CHRNA3: variants seen among roughly 807,000 people sequenced by gnomAD.
CHRNA3 encodes the protein cholinergic receptor nicotinic alpha 3 subunit, also known as neuronal acetylcholine receptor subunit alpha-3.
CHRNA3 carries 34 observed loss-of-function variants against 41.9 expected under a neutral mutation model. The observed-to-expected ratio is 0.81, with a 90% confidence interval of 0.62 to 1.08. CHRNA3 has a LOEUF of 1.08. CHRNA3 is among the 50% of genes least tolerant of loss of function. The pLI is 0.00. For synonymous variants in CHRNA3, 281 were observed against 265.2 expected (o/e 1.06, Z -0.58); for missense variants, 542 against 638.3 (o/e 0.85, Z 1.63).
chr15:78,620,376 G>GCAGGGCGACGGGCAGCGCGGGT, intron 1 of CHRNA3: 2 of 338,066 alleles, frequency 5.9e-6, no homozygotes, highest in Non-Finnish European at 1.1e-5. Flanking sequence ...AGTGCGCGGG[G>GCAGGGCGACGGGCAGCGCGGGT]CAGGGCGACG....
downstream of CHRNA3, chr15:78,594,135 G>GGCTTACTTT (rs1413992047): frequency 6.6e-6 from 1 of 152,146 alleles, no homozygotes; most frequent in Non-Finnish European, 1.5e-5. Context: ...ACTCCTTTAA[G>GGCTTACTTT]GCTTACTTTA....
In CHRNA3 at chr15:78,608,004, G is replaced by A. The variant is rs188402591; in HGVS notation, c.378-5740C>T. ...GCAGTCTGAGATCAAACTGCAAGGC[G>A]GCAGCGATGCTGGGGGAGGGGCGCC... On this transcript the variant is annotated intron_variant, in intron 4 of 5. Transcript: ENST00000326828. Among the ~76,000 whole-genome samples, 501 of 152,352 alleles carry A rather than the reference G, an allele frequency of 3.3e-3. 4 individuals carry two copies. The highest frequency in any genetic ancestry group is 0.011 in the African/African-American group (453 of 41,586).
intron 4 of CHRNA3, among the ~76,000 whole-genome samples, chr15:78,614,999 A>G (rs533821280): frequency 7.2e-4 from 109 of 152,266 alleles, no homozygotes; most frequent in African/African-American, 2.6e-3. Flanking sequence ...GAAGATGCAC[A>G]TTCCGGATCC....
intron 4 of CHRNA3, among the ~76,000 whole-genome samples, chr15:78,606,907 A>T (rs1189038850): frequency 6.6e-6 from 1 of 151,752 alleles, no homozygotes; most frequent in Admixed American, 6.6e-5. Flanking sequence ...AACAAAAAAC[A>T]CACAAAAAAG....
chr15:78,618,449 T>A (rs2053498120), intron 3 of CHRNA3, 168 bp downstream of exon 3: 2 of 707,008 alleles, frequency 2.8e-6, no homozygotes, highest in South Asian at 3.6e-5. Flanking sequence ...TGTAGGGCAG[T>A]GCATGTGACC....
chr15:78,594,559 T>A (rs1307736112), downstream of CHRNA3: 2 of 152,242 alleles, frequency 1.3e-5, no homozygotes, highest in Non-Finnish European at 2.9e-5. Flanking sequence ...GCGCCTGTAG[T>A]CCCAGCTACT....
chr15:78,613,792 A>C (rs1272313778), intron 4 of CHRNA3, among the ~76,000 whole-genome samples: 1 of 151,490 alleles, frequency 6.6e-6, no homozygotes, highest in South Asian at 2.1e-4. Context: ...AAAACCACAA[A>C]AAAATTAGCC....
intron 5 of CHRNA3, among the ~76,000 whole-genome samples, chr15:78,597,842 T>G (rs1341535257): frequency 6.6e-6 from 1 of 152,216 alleles, no homozygotes; most frequent in African/African-American, 2.4e-5. Context: ...GCCTCTTTAT[T>G]ATAAGTATAC....
rs55958820 is a variant in CHRNA3 at position 78,602,015 on chromosome 15, G to T, written c.627C>A (p.Ile209=). 8.9e-3 allele frequency: 14,289 copies of T among 1,613,436 alleles called. 91 individuals are homozygous for T. The highest frequency in any genetic ancestry group is 0.011 in the Non-Finnish European group (13,095 of 1,179,460). ...KDYWESGEWA[I]IKAPGYKHDI... The stretch of plus-strand genomic sequence containing the variant: ...CGTGTTTGTAGCCTGGGGCTTTGAT[G>T]ATGGCCCACTCGCCGCTCTCCCAAT... The change falls in exon 5 of 6, where the codon ATC becomes ATA. Residue 209 remains isoleucine (I), a synonymous_variant. Coordinates refer to ENST00000326828, the MANE Select transcript of CHRNA3 (RefSeq NM_000743.5).
At chr15:78,611,520 AC>A (rs1326357589) in intron 4 of CHRNA3, among the ~76,000 whole-genome samples, 5 of 151,944 alleles carry the variant, frequency 3.3e-5, no homozygotes, top group South Asian at 2.1e-4. Context: ...AAATTCAACA[AC>A]CCTTCACGCT....
intron 4 of CHRNA3, among the ~76,000 whole-genome samples, chr15:78,611,455 A>G (rs2053378248): frequency 6.6e-6 from 1 of 151,704 alleles, no homozygotes; most frequent in South Asian, 2.1e-4. Context: ...TATAAACAGA[A>G]CCAAAGACAA....
Position 78,620,731 on chromosome 15 carries a change from G to T in CHRNA3, c.64C>A (p.Leu22Met). ...LSPPRLLLLL[L>M]LSLLPVARAS... Reference sequence around the variant, plus strand: ...CGCGTACCTGGCAGCAGAGACAGCAGCAGCAGCAGCAGCAGCCGCGGCGGC... The same window carrying T: ...CGCGTACCTGGCAGCAGAGACAGCATCAGCAGCAGCAGCAGCCGCGGCGGC... The change falls in exon 1 of 6, where the codon CTG becomes ATG. Residue 22 changes from leucine to methionine, a missense_variant. Physicochemically the swap from Leu to Met is conservative, Grantham distance 15 (BLOSUM62 2). Transcript: ENST00000326828. 1 of 1,000,540 alleles carries T rather than the reference G, an allele frequency of 1.0e-6. No homozygotes were observed. Among genetic ancestry groups the T allele is most frequent in the East Asian group, 5.1e-5 (1 of 19,574 alleles). The allele number at this position is 1,000,540 out of a possible 1,614,324, so 62.0% of individuals were successfully genotyped here. A position where few individuals can be genotyped will look rare whatever the true frequency, so the allele number is the denominator to read the frequency against.
chr15:78,593,696 T>G (rs569449846), downstream of CHRNA3: 1 of 152,572 alleles, frequency 6.6e-6, no homozygotes, highest in Admixed American at 6.5e-5. Flanking sequence ...CTGCTATATT[T>G]AAAAAGCTGA....
At chr15:78,607,552 C>T (rs1478807408) in intron 4 of CHRNA3, 1 of 142,262 alleles carries the variant, frequency 7.0e-6, no homozygotes, top group East Asian at 2.2e-4. Flanking sequence ...AACGGTGAAA[C>T]CCCGTCGCTA....
chr15:78,620,895 C>CCTG lies in CHRNA3; in HGVS notation c.-102_-101insCAG. On this transcript the variant is annotated 5_prime_UTR_variant, in exon 1 of 6. Transcript: ENST00000326828. The stretch of plus-strand genomic sequence containing the variant: ...CGCGGCTCCAGCGCAGACCCCAGAC[C>CCTG]TGGAGCCGTGCGGGCGGAGACGCGC... 8.0e-7 allele frequency: 1 copy of CCTG among 1,255,250 alleles called. No individual in the cohort carries two copies. Among genetic ancestry groups the CCTG allele is most frequent in the Non-Finnish European group, 1.0e-6 (1 of 1,002,372 alleles). 77.8% of individuals were successfully genotyped at this position (1,255,250 alleles called of 1,614,324 possible).
chr15:78,616,766 C>T (rs1429023943), intron 4 of CHRNA3, among the ~76,000 whole-genome samples: 1 of 152,232 alleles, frequency 6.6e-6, no homozygotes, highest in Non-Finnish European at 1.5e-5. Flanking sequence ...CCAATTCTTC[C>T]TTGAAACTTT....
At chr15:78,607,072 A>G (rs529963008) in intron 4 of CHRNA3, among the ~76,000 whole-genome samples, 1 of 152,048 alleles carries the variant, frequency 6.6e-6, no homozygotes, top group South Asian at 2.1e-4. Flanking sequence ...TACTAAAAAT[A>G]CAAAAAATTA....
At chr15:78,593,069 C>T (rs1297830384), downstream of CHRNA3, 5 of 1,594,578 alleles carry the variant, frequency 3.1e-6, no homozygotes, top group Non-Finnish European at 4.3e-6. Flanking sequence ...TTATTTAATG[C>T]ATTTTTATTT....
At position 78,618,933 on chromosome 15, in the gene CHRNA3, G is replaced by A. The variant is rs2053508689; in HGVS notation, c.83-18C>T. 2 of 1,611,938 alleles carry A rather than the reference G, an allele frequency of 1.2e-6. No individual in the cohort carries two copies. The highest frequency in any genetic ancestry group is 1.7e-6 in the Non-Finnish European group (2 of 1,179,788). The stretch of plus-strand genomic sequence containing the variant: ...CCTGGCCACTGTGGGAAGCAGCCCT[G>A]TCAGTCCCTGGGGAAATCGTTACTT... On this transcript the variant is annotated intron_variant, in intron 1 of 5. Transcript: ENST00000326828.
Sources: allele counts gnomAD v4.1 joint callset (sites outside exome capture counted in the v4.1 genomes callset), GRCh38; gene constraint gnomAD v4.1.1; transcripts MANE v1.5; gene names NCBI Gene and HGNC (gene_info 2026-07-23, HGNC 2026-07-21).